UNC13C: variants seen among roughly 807,000 people sequenced by gnomAD.
The protein encoded by UNC13C is unc-13 homolog C.
Under a neutral mutation model 245.4 loss-of-function variants are expected in UNC13C, and 174 were observed. The ratio of observed to expected loss-of-function variants is 0.71; its 90% CI spans 0.63 to 0.80. The LOEUF is 0.80. Ranked by LOEUF, UNC13C falls within the 30% of genes least tolerant of loss-of-function variation. UNC13C has a pLI of 0.00. For missense variants in UNC13C, 2,829 were observed against 2,602.9 expected, an observed-to-expected ratio of 1.09 and a Z score of -1.89; for synonymous variants, 992 against 895.1, an observed-to-expected ratio of 1.11 and a Z score of -1.93.
At chr15:54,470,552 T>C (rs1892403201) in intron 19 of UNC13C, among the ~76,000 whole-genome samples, 1 of 151,588 alleles carries the variant, frequency 6.6e-6, no homozygotes, top group South Asian at 2.1e-4. Flanking sequence ...CAGTACTTTC[T>C]TATGATCCTT....
the UNC13C span, among the ~76,000 whole-genome samples, chr15:53,924,934 C>T: frequency 1.4e-4 from 22 of 152,106 alleles, no homozygotes; most frequent in African/African-American, 4.6e-4. Context: ...TATGGTTATA[C>T]GTGTTTTCTA....
chr15:54,555,791 C>T (rs1897065524), intron 29 of UNC13C, among the ~76,000 whole-genome samples: 1 of 152,094 alleles, frequency 6.6e-6, no homozygotes, highest in Admixed American at 6.6e-5. Flanking sequence ...TTTTGTCTCT[C>T]TCTAAAGCAT....
At chr15:54,512,076 T>A (rs1291365298) in intron 24 of UNC13C, among the ~76,000 whole-genome samples, 3 of 152,132 alleles carry the variant, frequency 2.0e-5, no homozygotes, top group Non-Finnish European at 2.9e-5. Flanking sequence ...TGTGTGCGCA[T>A]GTATGTTTGT....
chr15:54,516,354 T>C (rs1317194824), intron 24 of UNC13C, among the ~76,000 whole-genome samples: 1 of 152,222 alleles, frequency 6.6e-6, no homozygotes. Flanking sequence ...GATGAGTTTA[T>C]GAAAAACACA....
chr15:54,021,770 T>C (rs1427768549), intron 2 of UNC13C, among the ~76,000 whole-genome samples: 1 of 152,232 alleles, frequency 6.6e-6, no homozygotes, highest in Non-Finnish European at 1.5e-5. Flanking sequence ...TACATGATGG[T>C]GGTCCCAAAA....
intron 10 of UNC13C, among the ~76,000 whole-genome samples, chr15:54,289,642 T>G (rs914193528): frequency 6.6e-6 from 1 of 152,112 alleles, no homozygotes; most frequent in African/African-American, 2.4e-5. Flanking sequence ...CAAGAATGAC[T>G]GTAGAGGTTA....
chr15:54,455,205 C>CCCTATATATATATA, intron 19 of UNC13C, among the ~76,000 whole-genome samples: 1 of 18,974 alleles, frequency 5.3e-5, no homozygotes, highest in Non-Finnish European at 9.2e-5. Flanking sequence ...CTCTCTCTCT[C>CCCTATATATATATA]TATATATATA....
intron 4 of UNC13C, among the ~76,000 whole-genome samples, chr15:54,204,244 T>C (rs2034635257): frequency 6.8e-6 from 1 of 147,248 alleles, no homozygotes; most frequent in Non-Finnish European, 1.5e-5. Context: ...CGAAAGAACT[T>C]ATTCATGTAA....
intron 2 of UNC13C, among the ~76,000 whole-genome samples, chr15:54,116,054 A>G (rs564535769): frequency 2.6e-5 from 4 of 152,134 alleles, no homozygotes; most frequent in Admixed American, 6.5e-5. Flanking sequence ...CATTTTAATT[A>G]TATAGTTCAG....
chr15:54,362,196 C>G (rs963362545), intron 17 of UNC13C, among the ~76,000 whole-genome samples: 1 of 152,184 alleles, frequency 6.6e-6, no homozygotes, highest in African/African-American at 2.4e-5. Flanking sequence ...GGTGATTGAG[C>G]CTTCCTGGCA....
At chr15:53,859,804 C>A in the UNC13C span, among the ~76,000 whole-genome samples, 1,755 of 152,194 alleles carry the variant, frequency 0.012, 29 homozygotes, top group African/African-American at 0.04. Context: ...ATTTCTGATA[C>A]CTATTTGTAT....
intron 14 of UNC13C, among the ~76,000 whole-genome samples, chr15:54,324,256 C>A (rs1451463749): frequency 5.9e-5 from 9 of 152,020 alleles, no homozygotes; most frequent in Admixed American, 5.9e-4. Context: ...ATTCACCTAA[C>A]TGTTAAAGCT....
At chr15:54,553,643 T>C (rs1245735917) in intron 28 of UNC13C, among the ~76,000 whole-genome samples, 2 of 151,076 alleles carry the variant, frequency 1.3e-5, no homozygotes, top group African/African-American at 4.9e-5. Flanking sequence ...CACCTGAGAC[T>C]CTGAGTTTAC....
intron 19 of UNC13C, among the ~76,000 whole-genome samples, chr15:54,468,717 T>C (rs995023014): frequency 6.6e-6 from 1 of 151,712 alleles, no homozygotes; most frequent in Non-Finnish European, 1.5e-5. Context: ...CCTTTCCCCA[T>C]TGTGTGCACT....
At chr15:53,932,334 AC>A in the UNC13C span, among the ~76,000 whole-genome samples, 47,845 of 151,542 alleles carry the variant, frequency 0.32, 7,670 homozygotes, top group Non-Finnish European at 0.33. Context: ...AACAACAACA[AC>A]AACAACAAAC....
At chr15:53,854,240 T>A in the UNC13C span, among the ~76,000 whole-genome samples, 4 of 151,376 alleles carry the variant, frequency 2.6e-5, no homozygotes, top group African/African-American at 9.7e-5. Flanking sequence ...CTTGCCTCAG[T>A]CTCCTGAGTA....
intron 4 of UNC13C, among the ~76,000 whole-genome samples, chr15:54,218,374 A>G (rs145317472): frequency 1.3e-5 from 2 of 152,070 alleles, no homozygotes; most frequent in Non-Finnish European, 2.9e-5. Flanking sequence ...TAGGGAGGAG[A>G]TACTTATGGA....
intron 11 of UNC13C, among the ~76,000 whole-genome samples, chr15:54,295,174 A>G (rs12903297): frequency 0.56 from 85,320 of 151,992 alleles, 26,120 homozygotes; most frequent in African/African-American, 0.82. Flanking sequence ...TGAAAATAGA[A>G]TTACTAACTG....
At chr15:54,541,734 A>C (rs191138051) in intron 26 of UNC13C, among the ~76,000 whole-genome samples, 26 of 152,274 alleles carry the variant, frequency 1.7e-4, no homozygotes, top group African/African-American at 6.3e-4. Flanking sequence ...GTTTCTAAAG[A>C]ATAGCTTGTA....
Sources: allele counts gnomAD v4.1 joint callset (sites outside exome capture counted in the v4.1 genomes callset), GRCh38; gene constraint gnomAD v4.1.1; transcripts MANE v1.5; gene names NCBI Gene and HGNC (gene_info 2026-07-23, HGNC 2026-07-21).